NEK6: variants seen among roughly 807,000 people sequenced by gnomAD.
The protein encoded by NEK6 is serine/threonine-protein kinase Nek6.
Under a neutral mutation model 43.5 loss-of-function variants are expected in NEK6, and 27 were observed. The ratio of observed to expected loss-of-function variants is 0.62; its 90% CI spans 0.46 to 0.86. The LOEUF is 0.86. Among genes scored for constraint, NEK6 ranks in the 40% least tolerant of loss-of-function variants. The pLI is 0.00. For synonymous variants in NEK6, 167 were observed against 164.1 expected (o/e 1.02, Z -0.14); for missense variants, 318 against 414.4 (o/e 0.77, Z 2.02).
intron 7 of NEK6, among the ~76,000 whole-genome samples, chr9:124,332,939 G>A (rs1420690176): frequency 6.6e-6 from 1 of 151,936 alleles, no homozygotes; most frequent in Non-Finnish European, 1.5e-5. Flanking sequence ...GTCTCAGGGA[G>A]GGGCATGGAA....
At chr9:124,287,070 C>T (rs946632763) in intron 1 of NEK6, among the ~76,000 whole-genome samples, 6 of 152,198 alleles carry the variant, frequency 3.9e-5, no homozygotes, top group African/African-American at 1.2e-4. Flanking sequence ...AGAGGGACAG[C>T]TGGCCACACC....
chr9:124,341,752 G>A (rs1829646031), intron 8 of NEK6, among the ~76,000 whole-genome samples: 1 of 152,144 alleles, frequency 6.6e-6, no homozygotes, highest in Non-Finnish European at 1.5e-5. Context: ...GCTCGGGGGA[G>A]GGCAGTGGAT....
intron 7 of NEK6, 54 bp downstream of exon 7, chr9:124,327,499 C>A: frequency 7.5e-7 from 1 of 1,340,656 alleles, no homozygotes; most frequent in Non-Finnish European, 1.1e-6. Context: ...GGTGACCATG[C>A]AGGGAGACGC....
At chr9:124,348,448 G>T (rs970149207) in intron 9 of NEK6, among the ~76,000 whole-genome samples, 11 of 152,286 alleles carry the variant, frequency 7.2e-5, no homozygotes, top group Admixed American at 7.2e-4. Flanking sequence ...CTCCTTGGTG[G>T]ATAATGGTGA....
intron 1 of NEK6, among the ~76,000 whole-genome samples, chr9:124,284,408 GA>G (rs1156816041): frequency 6.6e-6 from 1 of 152,246 alleles, no homozygotes; most frequent in Non-Finnish European, 1.5e-5. Context: ...GGGATCTGGT[GA>G]AACATGAGGC....
chr9:124,277,540 C>T (rs968426966), intron 1 of NEK6, among the ~76,000 whole-genome samples: 1 of 152,214 alleles, frequency 6.6e-6, no homozygotes, highest in Non-Finnish European at 1.5e-5. Flanking sequence ...GGGCTCTCCC[C>T]TTGGCACCCT....
rs115900923 is a variant in NEK6 at position 124,329,211 on chromosome 9, C to T, written c.622+1766C>T. Among the ~76,000 whole-genome samples, 269 of 152,310 alleles carry T rather than the reference C, an allele frequency of 1.8e-3. 1 individual carries two copies. Among genetic ancestry groups the T allele is most frequent in the African/African-American group, 6.3e-3 (261 of 41,570 alleles). On this transcript the variant is annotated intron_variant, in intron 7 of 9. Coordinates refer to ENST00000320246, the MANE Select transcript of NEK6 (RefSeq NM_014397.6). The stretch of plus-strand genomic sequence containing the variant: ...TTCCCTTGTGAAAAACCAAGTGTTT[C>T]GGTCAGTTTGGGACTGTTTACCTGT...
At chr9:124,323,105 G>T (rs187876246) in intron 5 of NEK6, among the ~76,000 whole-genome samples, 3 of 152,198 alleles carry the variant, frequency 2.0e-5, no homozygotes, top group Non-Finnish European at 4.4e-5. Flanking sequence ...CAAGAACTAG[G>T]GTTGCCGCCA....
intron 8 of NEK6, among the ~76,000 whole-genome samples, chr9:124,344,704 C>T (rs1345713902): frequency 3.9e-5 from 6 of 152,230 alleles, no homozygotes; most frequent in African/African-American, 1.4e-4. Context: ...GCTGCAATTA[C>T]GGAGCTAGAG....
rs1029104138 is a variant in NEK6 at position 124,324,722 on chromosome 9, C to T, written c.406-1608C>T. Among the ~76,000 whole-genome samples, 3 of 152,062 alleles carry T rather than the reference C, an allele frequency of 2.0e-5. No individual in the cohort carries two copies. Among genetic ancestry groups the T allele is most frequent in the Non-Finnish European group, 4.4e-5 (3 of 68,010 alleles). On this transcript the variant is annotated intron_variant, in intron 5 of 9. Transcript: ENST00000320246. This position sits in a 1 kb window ranked among gnomAD's most constrained non-coding sequence, Gnocchi z 5.3. ...CCAGAATTGTACCTCAGAACAGCCT[C>T]GAGGGGATTTACGGCGAGGTCAGGG...
At position 124,328,486 on chromosome 9, in the gene NEK6, C is replaced by T. The variant is rs116939569; in HGVS notation, c.622+1041C>T. On this transcript the variant is annotated intron_variant, in intron 7 of 9. Transcript: ENST00000320246. The stretch of plus-strand genomic sequence containing the variant: ...CCTGTGTGCTGTGCCCACCAGCATC[C>T]GCTTCCCCAGGAGGGGGCTGGGCCC... Among the ~76,000 whole-genome samples, 64 of 152,262 alleles carry T rather than the reference C, an allele frequency of 4.2e-4. 2 individuals carry two copies. The East Asian group carries it at 5.4e-3, about 13-fold the overall frequency.
At chr9:124,327,030 G>A (rs1292368765) in intron 6 of NEK6, among the ~76,000 whole-genome samples, 1 of 152,174 alleles carries the variant, frequency 6.6e-6, no homozygotes, top group African/African-American at 2.4e-5. Flanking sequence ...CCTCCTGTGT[G>A]CGAGGCACTG....
At position 124,351,886 on chromosome 9, in the gene NEK6, A is replaced by C. The variant is rs1041742498; in HGVS notation, c.*939A>C. The C allele has an allele frequency of 1.3e-5, 2 of 152,508 alleles. No homozygotes were observed. The highest frequency in any genetic ancestry group is 4.1e-4 in the South Asian group (2 of 4,832). The allele number at this position is 152,508 out of a possible 1,614,324, so 9.4% of individuals were successfully genotyped here. Reference sequence around the variant, plus strand: ...TGACAGACAGAATTTGAAATAAAATATGCAAGTTAGCTAATACAAAAAGTA... The same window carrying C: ...TGACAGACAGAATTTGAAATAAAATCTGCAAGTTAGCTAATACAAAAAGTA... On this transcript the variant is annotated 3_prime_UTR_variant, in exon 10 of 10. Coordinates refer to ENST00000320246, the MANE Select transcript of NEK6 (RefSeq NM_014397.6).
intron 1 of NEK6, among the ~76,000 whole-genome samples, chr9:124,273,132 C>T (rs560210934): frequency 3.9e-5 from 6 of 152,238 alleles, no homozygotes; most frequent in South Asian, 4.1e-4. Flanking sequence ...TGCTCCAAGG[C>T]TGTGAGGTGT....
At position 124,343,665 on chromosome 9, in the gene NEK6, C is replaced by T. The variant is rs904449691; in HGVS notation, c.717+4000C>T. Among the ~76,000 whole-genome samples, 9 of 152,318 alleles carry T rather than the reference C, an allele frequency of 5.9e-5. No homozygotes were observed. Among genetic ancestry groups the T allele is most frequent in the South Asian group, 2.1e-4 (1 of 4,828 alleles). On this transcript the variant is annotated intron_variant, in intron 8 of 9. Transcript: ENST00000320246. The surrounding 1 kb of genome is among the most constrained non-coding windows in gnomAD (Gnocchi z 5.1). ...TCCCGCAGTCACGCCCGGAGCCTCC[C>T]GCCCCACAGCCTGTGGTGTCTTCCA... is the stretch of plus-strand genomic sequence containing the variant.
chr9:124,347,904 G>A (rs964633609), intron 9 of NEK6, 82 bp downstream of exon 9: 49 of 794,682 alleles, frequency 6.2e-5, no homozygotes, highest in African/African-American at 4.8e-4. Context: ...CACCACAGCT[G>A]TGGGGCTGAG....
At chr9:124,272,601 A>G (rs1367156387) in intron 1 of NEK6, among the ~76,000 whole-genome samples, 1 of 152,184 alleles carries the variant, frequency 6.6e-6, no homozygotes, top group Non-Finnish European at 1.5e-5. Flanking sequence ...CTTTGCTTCA[A>G]GGTGTCTTTG....
intron 1 of NEK6, among the ~76,000 whole-genome samples, chr9:124,280,689 G>A (rs1831864770): frequency 6.6e-6 from 1 of 152,250 alleles, no homozygotes; most frequent in Admixed American, 6.5e-5. Flanking sequence ...CTCGCTCTGT[G>A]GCTAGGCACG....
intron 7 of NEK6, among the ~76,000 whole-genome samples, chr9:124,332,675 TAGCTAATG>T (rs1198826507): frequency 6.6e-6 from 1 of 152,124 alleles, no homozygotes; most frequent in African/African-American, 2.4e-5. Context: ...GCCTTTTTCG[TAGCTAATG>T]AACATGTTTC....
Sources: allele counts gnomAD v4.1 joint callset (sites outside exome capture counted in the v4.1 genomes callset), GRCh38; gene constraint gnomAD v4.1.1; non-coding constraint Gnocchi (gnomAD v3.1); transcripts MANE v1.5; gene names NCBI Gene and HGNC (gene_info 2026-07-23, HGNC 2026-07-21).